TRPC3: variants seen among roughly 807,000 people sequenced by gnomAD.
TRPC3 encodes transient receptor potential cation channel subfamily C member 3.
TRPC3 carries 54 observed loss-of-function variants against 90.9 expected under a neutral mutation model. The ratio of observed to expected loss-of-function variants is 0.59; its 90% CI spans 0.48 to 0.75. The LOEUF (loss-of-function observed/expected upper bound fraction) is 0.75. TRPC3 is among the 30% of genes least tolerant of loss of function. The pLI is 0.00. For missense variants in TRPC3, 918 were observed against 1,194.5 expected, an observed-to-expected ratio of 0.77 and a Z score of 3.41; for synonymous variants, 424 against 450.9, an observed-to-expected ratio of 0.94 and a Z score of 0.75.
Position 121,912,084 on chromosome 4 carries a change from T to C in TRPC3, c.1351A>G (p.Ile451Val). 3.1e-6 allele frequency: 5 copies of C among 1,613,212 alleles called. No individual in the cohort carries two copies. Among genetic ancestry groups the C allele is most frequent in the Non-Finnish European group, 4.2e-6 (5 of 1,179,602 alleles). The change falls in exon 5 of 12, where the codon ATT becomes GTT. Residue 451 changes from isoleucine to valine, a missense_variant. Physicochemically the swap from Ile to Val is conservative, Grantham distance 29 (BLOSUM62 3). Transcript: ENST00000379645. ...WIAPCSRLGKILRSPFMKFVA... is the reference protein window; with the variant it reads ...WIAPCSRLGKVLRSPFMKFVA... ...AACTTCATAAAAGGGCTTCGCAGAA[T>C]TTTCCCCAGCTGTAACAAACCAAAG...
chr4:121,937,781 T>C (rs1730179371), intron 1 of TRPC3, among the ~76,000 whole-genome samples: 2 of 152,196 alleles, frequency 1.3e-5, no homozygotes, highest in African/African-American at 4.8e-5. Context: ...GCCCCTCTCT[T>C]AGGGGGACTG....
rs74482897 is a variant in TRPC3 at position 121,942,000 on chromosome 4, T to C, written c.216-8958A>G. On this transcript the variant is annotated intron_variant, in intron 1 of 11. Transcript: ENST00000379645. ...ACCTACTTCTCAGCCTGCATCTACC[T>C]ACACATCATAGAGCTCAATAATACA... Among the ~76,000 whole-genome samples the C allele has an allele frequency of 9.4e-3, 1,425 of 152,234 alleles. 64 individuals carry two copies. Among genetic ancestry groups the C allele is most frequent in the Admixed American group, 0.066 (1,014 of 15,286 alleles).
chr4:121,925,626 C>T (rs761496856), intron 2 of TRPC3, among the ~76,000 whole-genome samples: 3 of 152,092 alleles, frequency 2.0e-5, no homozygotes, highest in East Asian at 1.9e-4. Flanking sequence ...TCTATCTGCA[C>T]GGCACAGTGA....
chr4:121,911,296 G>A (rs958902360), intron 5 of TRPC3, among the ~76,000 whole-genome samples: 9 of 152,092 alleles, frequency 5.9e-5, no homozygotes, highest in Non-Finnish European at 4.4e-5. Flanking sequence ...TCTTAGCAGA[G>A]AACACAATAA....
At chr4:121,913,947 A>C (rs1434313537) in intron 4 of TRPC3, among the ~76,000 whole-genome samples, 1 of 152,196 alleles carries the variant, frequency 6.6e-6, no homozygotes, top group African/African-American at 2.4e-5. Flanking sequence ...CCCTTGACTC[A>C]TTTTGCCTTG....
intron 8 of TRPC3, among the ~76,000 whole-genome samples, chr4:121,903,349 A>G (rs1008416969): frequency 9.2e-5 from 14 of 152,142 alleles, no homozygotes; most frequent in African/African-American, 2.9e-4. Flanking sequence ...AGTGCCAAGG[A>G]AGGATAAAAT....
intron 9 of TRPC3, among the ~76,000 whole-genome samples, chr4:121,900,287 A>T (rs550398870): frequency 6.6e-6 from 1 of 152,156 alleles, no homozygotes; most frequent in Non-Finnish European, 1.5e-5. Flanking sequence ...GTGGGTAGGA[A>T]CAGGAAGCAA....
intron 3 of TRPC3, among the ~76,000 whole-genome samples, chr4:121,921,555 G>C (rs1292244480): frequency 3.3e-5 from 5 of 149,410 alleles, no homozygotes. Context: ...GACTTCCTGA[G>C]TCTCATATGC....
intron 10 of TRPC3, among the ~76,000 whole-genome samples, chr4:121,889,493 A>T (rs7688787): frequency 0.95 from 144,031 of 151,932 alleles, 68,136 homozygotes; most frequent in East Asian, 1. Context: ...TCACTAATCA[A>T]CAGAGAAATG....
At chr4:121,926,896 AT>A (rs1729738486) in intron 2 of TRPC3, among the ~76,000 whole-genome samples, 1 of 152,234 alleles carries the variant, frequency 6.6e-6, no homozygotes, top group African/African-American at 2.4e-5. Flanking sequence ...ACATGTCCTG[AT>A]TTAGAAACTG....
rs1727810045 is a variant in TRPC3 at position 121,877,824 on chromosome 4, G to T, written c.*1912C>A. On this transcript the variant is annotated 3_prime_UTR_variant, in exon 12 of 12. Coordinates refer to ENST00000379645, the MANE Select transcript of TRPC3 (RefSeq NM_001130698.2). ...GTCAGCTTTTTATCCACATGGTGTG[G>T]ATACCATGAGGCTTATCTTCATACT... Among the ~76,000 whole-genome samples, 1 of 149,320 alleles carries T rather than the reference G, an allele frequency of 6.7e-6. No individual in the cohort carries two copies. Among genetic ancestry groups the T allele is most frequent in the African/African-American group, 2.5e-5 (1 of 40,562 alleles).
chr4:121,879,982 C>A, intron 11 of TRPC3, 104 bp from the exon 12 acceptor site: 2 of 1,119,056 alleles, frequency 1.8e-6, no homozygotes, highest in Admixed American at 3.4e-5. Flanking sequence ...TTCATAAGGT[C>A]TCCAAGGTAG....
intron 7 of TRPC3, among the ~76,000 whole-genome samples, chr4:121,907,102 C>T (rs1350686259): frequency 6.6e-6 from 1 of 151,998 alleles, no homozygotes; most frequent in Admixed American, 6.6e-5. Flanking sequence ...AATTCTGACC[C>T]ATTCTGTGGT....
At chr4:121,945,020 G>T (rs1426742808) in intron 1 of TRPC3, among the ~76,000 whole-genome samples, 1 of 152,172 alleles carries the variant, frequency 6.6e-6, no homozygotes, top group African/African-American at 2.4e-5. Context: ...TGGACTAGAT[G>T]AAATCCTTTC....
chr4:121,927,564 TA>T (rs920279300), intron 2 of TRPC3, among the ~76,000 whole-genome samples: 1 of 152,200 alleles, frequency 6.6e-6, no homozygotes, highest in Non-Finnish European at 1.5e-5. Flanking sequence ...AATCATACTT[TA>T]AAAAAGACAT....
chr4:121,883,014 C>T (rs917039489), intron 10 of TRPC3, among the ~76,000 whole-genome samples: 1 of 151,732 alleles, frequency 6.6e-6, no homozygotes, highest in East Asian at 1.9e-4. Context: ...ATATTGCATA[C>T]GTTTCTCTAA....
At position 121,876,934 on chromosome 4, in the gene TRPC3, GAA is replaced by G. The variant is rs1228343807; in HGVS notation, c.*2800_*2801del. 7.2e-5 allele frequency among the ~76,000 whole-genome samples: 11 copies of G among 152,080 alleles called. No individual in the cohort carries two copies. The highest frequency in any genetic ancestry group is 7.2e-4 in the Admixed American group (11 of 15,270). ...GGTAAAAAATGAGAGATGTCCTAAG[GAA>G]AAAAGAGTCCTGGGGCTTTGACAAT... On this transcript the variant is annotated 3_prime_UTR_variant, in exon 12 of 12. Transcript: ENST00000379645.
chr4:121,914,898 T>C lies in TRPC3; in HGVS notation c.1223A>G (p.Tyr408Cys), dbSNP rs1729253353. The change falls in exon 4 of 12, where the codon TAT becomes TGT. Residue 408 changes from tyrosine to cysteine, a missense_variant. Tyr to Cys is a radical substitution (Grantham distance 194). Transcript: ENST00000379645. ...NCQQQLLTIW[Y>C]ENLSGLREQT... ...CTCCCTTAGGCCTGAGAGGTTCTCA[T>C]ACCAGATCGTCAAGAGCTGCTGCTG... 8 of 1,612,248 alleles carry C rather than the reference T, an allele frequency of 5.0e-6. No individual in the cohort carries two copies. The highest frequency in any genetic ancestry group is 1.7e-5 in the Admixed American group (1 of 59,984).
At chr4:121,883,151 TC>T (rs1728000982) in intron 10 of TRPC3, among the ~76,000 whole-genome samples, 1 of 152,042 alleles carries the variant, frequency 6.6e-6, no homozygotes, top group African/African-American at 2.4e-5. Flanking sequence ...TCCATTTGCA[TC>T]TTAAATGTGA....
Sources: allele counts gnomAD v4.1 joint callset (sites outside exome capture counted in the v4.1 genomes callset), GRCh38; gene constraint gnomAD v4.1.1; transcripts MANE v1.5; gene names NCBI Gene and HGNC (gene_info 2026-07-23, HGNC 2026-07-21).